The following CRB1 variants were observed in gnomAD, a reference collection of about 807,000 sequenced individuals.
CRB1 encodes crumbs cell polarity complex component 1, also known as protein crumbs homolog 1.
A neutral mutation model predicts 120.0 loss-of-function variants in CRB1; 83 were observed. That is an observed-to-expected ratio of 0.69 (90% confidence interval 0.58 to 0.83). The LOEUF is 0.83. CRB1 is among the 40% of genes least tolerant of loss of function. CRB1 has a pLI of 0.00. For missense variants in CRB1, 1,699 were observed against 1,687.6 expected, an observed-to-expected ratio of 1.01 and a Z score of -0.12; for synonymous variants, 625 against 612.5, an observed-to-expected ratio of 1.02 and a Z score of -0.30.
chr1:197,284,285 A>G (rs1242743189), intron 1 of CRB1, among the ~76,000 whole-genome samples: 1 of 151,954 alleles, frequency 6.6e-6, no homozygotes, highest in African/African-American at 2.4e-5. Context: ...CCTGATTCTC[A>G]GACACAGCTT....
intron 1 of CRB1, among the ~76,000 whole-genome samples, chr1:197,280,644 T>C (rs1359449514): frequency 6.6e-6 from 1 of 151,906 alleles, no homozygotes; most frequent in East Asian, 1.9e-4. Context: ...GTACTGGAAT[T>C]GCCTAGGTTA....
chr1:197,284,376 A>G (rs971567834), intron 1 of CRB1, among the ~76,000 whole-genome samples: 3 of 151,904 alleles, frequency 2.0e-5, no homozygotes, highest in Non-Finnish European at 4.4e-5. Context: ...CAGCTCGGGA[A>G]AATCATCAGC....
intron 11 of CRB1, among the ~76,000 whole-genome samples, chr1:197,446,295 A>C (rs144037468): frequency 1.3e-5 from 2 of 152,300 alleles, no homozygotes; most frequent in Non-Finnish European, 2.9e-5. Context: ...GTCCAGTCTT[A>C]CAGGTGGGTA....
intron 5 of CRB1, among the ~76,000 whole-genome samples, chr1:197,384,960 A>G (rs1483818321): frequency 6.6e-6 from 1 of 152,186 alleles, no homozygotes; most frequent in Non-Finnish European, 1.5e-5. Flanking sequence ...GACTTTTAAT[A>G]AAACGAGACT....
the CRB1 span, among the ~76,000 whole-genome samples, chr1:197,242,877 C>T: frequency 2.6e-5 from 4 of 152,092 alleles, no homozygotes; most frequent in Non-Finnish European, 5.9e-5. Context: ...TTCGGGGATT[C>T]AACTTCTTCC....
At chr1:197,277,786 G>T (rs1396761834) in intron 1 of CRB1, among the ~76,000 whole-genome samples, 1 of 151,710 alleles carries the variant, frequency 6.6e-6, no homozygotes, top group Non-Finnish European at 1.5e-5. Flanking sequence ...AAACTTTCTA[G>T]GTCTCCAATT....
At chr1:197,262,498 T>G in the CRB1 span, among the ~76,000 whole-genome samples, 2 of 152,206 alleles carry the variant, frequency 1.3e-5, no homozygotes, top group Non-Finnish European at 2.9e-5. Context: ...TTATTTTGCT[T>G]CTTTTACTGC....
In CRB1 at chr1:197,421,752, T is replaced by C; in HGVS notation, c.1924T>C (p.Cys642Arg). 6.2e-7 allele frequency: 1 copy of C among 1,614,210 alleles called. No individual in the cohort carries two copies. Among genetic ancestry groups the C allele is most frequent in the Non-Finnish European group, 8.5e-7 (1 of 1,180,020 alleles). ...NMPSTPSFVG[C>R]LQDIKIDWNH... is the part of the protein sequence containing the mutation. ...GCCATCCACACCTTCGTTTGTAGGC[T>C]GTCTCCAAGACATTAAAATTGATTG... Residue 642 changes from cysteine (C) to arginine (R), a missense_variant, in exon 6 of 12, where the codon TGT (cysteine) becomes CGT (arginine). Cys to Arg is a radical substitution (Grantham distance 180). Coordinates refer to ENST00000367400, the MANE Select transcript of CRB1 (RefSeq NM_201253.3).
chr1:197,440,337 A>G (rs1665372133), intron 10 of CRB1: 1 of 152,222 alleles, frequency 6.6e-6, no homozygotes, highest in African/African-American at 2.4e-5. Context: ...TATATTTGAC[A>G]TTTAAATTCA....
At chr1:197,343,157 C>T (rs188302717) in intron 2 of CRB1, among the ~76,000 whole-genome samples, 2 of 152,148 alleles carry the variant, frequency 1.3e-5, no homozygotes, top group African/African-American at 2.4e-5. Context: ...TTAGAATATC[C>T]TGCTGCATTT....
the CRB1 span, among the ~76,000 whole-genome samples, chr1:197,228,247 T>G: frequency 6.6e-6 from 1 of 152,190 alleles, no homozygotes; most frequent in African/African-American, 2.4e-5. Flanking sequence ...AAAACTGGGT[T>G]TTTCTTTTCT....
rs772819387 is a variant in CRB1 at position 197,430,781 on chromosome 1, AC to A, written c.2842+1168del. 3.9e-5 allele frequency among the ~76,000 whole-genome samples: 6 copies of A among 152,190 alleles called. No individual in the cohort carries two copies. In the East Asian group the frequency reaches 7.7e-4, roughly 20 times the overall value. ...GAATATAAGCTTCACAAGGCAAGAA[AC>A]TTTTCTATGTGGTTTCTTGCTCATA... On this transcript the variant is annotated intron_variant, in intron 8 of 11. Transcript: ENST00000367400.
intron 1 of CRB1, among the ~76,000 whole-genome samples, chr1:197,281,048 A>G (rs911296358): frequency 5.3e-5 from 8 of 151,944 alleles, no homozygotes; most frequent in African/African-American, 1.4e-4. Flanking sequence ...AATTTAAAAA[A>G]TAAGTCTTAG....
At chr1:197,432,689 A>G (rs1664932333) in intron 8 of CRB1, among the ~76,000 whole-genome samples, 1 of 152,174 alleles carries the variant, frequency 6.6e-6, no homozygotes, top group Admixed American at 6.6e-5. Flanking sequence ...AAGACAGTGA[A>G]GGAACAAGTA....
intron 5 of CRB1, among the ~76,000 whole-genome samples, chr1:197,404,723 G>A (rs1296257827): frequency 6.6e-6 from 1 of 152,070 alleles, no homozygotes; most frequent in Non-Finnish European, 1.5e-5. Flanking sequence ...ATGTGCCCCT[G>A]CTAAACAGCA....
At chr1:197,418,233 C>T (rs1389686635) in intron 5 of CRB1, among the ~76,000 whole-genome samples, 2 of 152,116 alleles carry the variant, frequency 1.3e-5, no homozygotes, top group Admixed American at 6.5e-5. Context: ...AAAATATCTT[C>T]TAATACAAAA....
In CRB1 at chr1:197,328,842, A is replaced by G. The variant is rs952354514; in HGVS notation, c.491A>G (p.Gln164Arg). ...CCTTGCCAAAATGGGGCCGTGTGCC[A>G]GGATGGAATTGATGGTTACTCCTGC... ...SSPCQNGAVC[Q>R]DGIDGYSCFC... is the part of the protein sequence containing the mutation. Residue 164 changes from glutamine (Q) to arginine (R), a missense_variant, in exon 2 of 12, where the codon CAG becomes CGG. Coordinates refer to ENST00000367400, the MANE Select transcript of CRB1 (RefSeq NM_201253.3). 1.2e-6 allele frequency: 2 copies of G among 1,614,216 alleles called. No individual in the cohort carries two copies. The highest frequency in any genetic ancestry group is 1.7e-5 in the Admixed American group (1 of 60,022).
chr1:197,309,001 TA>T (rs940085871), intron 1 of CRB1, among the ~76,000 whole-genome samples: 13 of 151,384 alleles, frequency 8.6e-5, no homozygotes, highest in African/African-American at 2.4e-4. Flanking sequence ...CAGGTATATA[TA>T]AATATACAGT....
At position 197,315,652 on chromosome 1, in the gene CRB1, G is replaced by A. The variant is rs367563109; in HGVS notation, c.71-12770G>A. Among the ~76,000 whole-genome samples, 3 of 152,176 alleles carry A rather than the reference G, an allele frequency of 2.0e-5. No homozygotes were observed. In the East Asian group the frequency reaches 5.8e-4, roughly 29 times the overall value. ...AGACAACCAGCTGAAGCAAAGTAGT[G>A]TTTGCATCAACTTCCACATATTTGT... is the stretch of plus-strand genomic sequence containing the variant. On this transcript the variant is annotated intron_variant, in intron 1 of 11. Transcript: ENST00000367400.
Sources: allele counts gnomAD v4.1 joint callset (sites outside exome capture counted in the v4.1 genomes callset), GRCh38; gene constraint gnomAD v4.1.1; transcripts MANE v1.5; gene names NCBI Gene and HGNC (gene_info 2026-07-23, HGNC 2026-07-21).